ITGA8: variants seen among roughly 807,000 people sequenced by gnomAD.
ITGA8 encodes integrin alpha-8.
A neutral mutation model predicts 142.3 loss-of-function variants in ITGA8; 91 were observed. That is an observed-to-expected ratio of 0.64 (90% CI 0.54 to 0.76). ITGA8 has a LOEUF of 0.76. ITGA8 is among the 30% of genes least tolerant of loss of function. The pLI, the probability that ITGA8 is intolerant of heterozygous loss-of-function variation, is 0.00. For missense variants in ITGA8, 1,406 were observed against 1,327.7 expected (o/e 1.06, Z -0.92); for synonymous variants, 505 against 485.2 (o/e 1.04, Z -0.54).
intron 24 of ITGA8, among the ~76,000 whole-genome samples, chr10:15,574,457 C>A (rs915128127): frequency 3.3e-5 from 5 of 152,166 alleles, no homozygotes; most frequent in African/African-American, 1.2e-4. Context: ...GTGGCACGAT[C>A]TCGGCTCACT....
chr10:15,518,447 G>A (rs1833002523), intron 29 of ITGA8, among the ~76,000 whole-genome samples: 1 of 152,242 alleles, frequency 6.6e-6, no homozygotes, highest in Non-Finnish European at 1.5e-5. Flanking sequence ...AGCTGATAAC[G>A]ATCAGAAACG....
intron 13 of ITGA8, among the ~76,000 whole-genome samples, chr10:15,629,204 G>A (rs1438893001): frequency 6.6e-6 from 1 of 151,948 alleles, no homozygotes; most frequent in East Asian, 1.9e-4. Context: ...TAGGAACTGG[G>A]TCACACAAAC....
intron 20 of ITGA8, among the ~76,000 whole-genome samples, chr10:15,603,849 A>G (rs931299075): frequency 6.6e-6 from 1 of 152,186 alleles, no homozygotes; most frequent in African/African-American, 2.4e-5. Flanking sequence ...CATGTGCTTG[A>G]AACTGATAGG....
intron 24 of ITGA8, among the ~76,000 whole-genome samples, chr10:15,574,760 G>A (rs1458809187): frequency 6.6e-6 from 1 of 151,246 alleles, no homozygotes; most frequent in Non-Finnish European, 1.5e-5. Flanking sequence ...TTTTCTGTCT[G>A]GTACCTTCTA....
chr10:15,694,637 A>C (rs1184827445), intron 2 of ITGA8, among the ~76,000 whole-genome samples: 1 of 131,904 alleles, frequency 7.6e-6, no homozygotes, highest in Non-Finnish European at 1.6e-5. Context: ...TAATATATTT[A>C]TATAATATAT....
chr10:15,575,711 T>A, intron 23 of ITGA8, 117 bp from the exon 24 acceptor site: 1 of 729,800 alleles, frequency 1.4e-6, no homozygotes, highest in South Asian at 1.6e-5. Context: ...TTTGAGTAGA[T>A]ACTCCCTACA....
intron 11 of ITGA8, among the ~76,000 whole-genome samples, chr10:15,649,917 C>T (rs1834055607): frequency 6.6e-6 from 1 of 152,160 alleles, no homozygotes; most frequent in South Asian, 2.1e-4. Context: ...AGGCTTACCA[C>T]ACAATCACAA....
chr10:15,700,669 C>T (rs1835145753), intron 2 of ITGA8, among the ~76,000 whole-genome samples: 1 of 152,104 alleles, frequency 6.6e-6, no homozygotes, highest in South Asian at 2.1e-4. Context: ...ATCTATATAT[C>T]CAACAAAGGA....
rs1833044201 is a variant in ITGA8 at position 15,598,393 on chromosome 10, A to C, written c.2119-1094T>G. On this transcript the variant is annotated intron_variant, in intron 20 of 29. Transcript: ENST00000378076. ...ATCTATTGAAATTTTAGGTAAGAGA[A>C]TAATATAAAATTTCAGAAATGATCT... Among the ~76,000 whole-genome samples the C allele has an allele frequency of 3.3e-5, 5 of 152,320 alleles. No individual in the cohort carries two copies. In the South Asian group the frequency reaches 1.0e-3, roughly 32 times the overall value.
At chr10:15,598,141 T>G (rs939411579) in intron 20 of ITGA8, among the ~76,000 whole-genome samples, 1 of 152,006 alleles carries the variant, frequency 6.6e-6, no homozygotes, top group Admixed American at 6.6e-5. Context: ...CATTTTTCCA[T>G]TATTTCAGTC....
In ITGA8 at chr10:15,573,211, G is replaced by A. The variant is rs576528435; in HGVS notation, c.2479-842C>T. Among the ~76,000 whole-genome samples the A allele has an allele frequency of 2.0e-5, 3 of 152,144 alleles. No homozygotes were observed. In the South Asian group the frequency reaches 6.2e-4, roughly 32 times the overall value. On this transcript the variant is annotated intron_variant, in intron 24 of 29. Coordinates refer to ENST00000378076, the MANE Select transcript of ITGA8 (RefSeq NM_003638.3). ...ATTGATATAGTATATTTTGAGTCAC[G>A]AGATTAGCAATGTACACAATATTTG...
intron 27 of ITGA8, among the ~76,000 whole-genome samples, chr10:15,534,978 C>T (rs920005068): frequency 3.3e-5 from 5 of 152,026 alleles, no homozygotes; most frequent in Non-Finnish European, 5.9e-5. Flanking sequence ...GGGAGAGGCA[C>T]GGGGGGAGAG....
chr10:15,697,652 G>C (rs1835082317), intron 2 of ITGA8, among the ~76,000 whole-genome samples: 1 of 152,196 alleles, frequency 6.6e-6, no homozygotes, highest in African/African-American at 2.4e-5. Context: ...TAATGGGCTT[G>C]GGCTTGGCTG....
chr10:15,597,666 C>T (rs1448561740), intron 20 of ITGA8, among the ~76,000 whole-genome samples: 1 of 152,044 alleles, frequency 6.6e-6, no homozygotes, highest in Non-Finnish European at 1.5e-5. Flanking sequence ...ATTAAGCCTT[C>T]CAAAAACAAA....
At chr10:15,623,938 C>T (rs189737081) in intron 13 of ITGA8, among the ~76,000 whole-genome samples, 3 of 152,292 alleles carry the variant, frequency 2.0e-5, no homozygotes, top group Non-Finnish European at 4.4e-5. Flanking sequence ...TGGAGCCATA[C>T]AGCCTTTTGG....
intron 12 of ITGA8, among the ~76,000 whole-genome samples, chr10:15,646,067 T>C (rs1020932007): frequency 1.3e-5 from 2 of 152,172 alleles, no homozygotes; most frequent in African/African-American, 4.8e-5. Flanking sequence ...ATATAGAAGG[T>C]TTCCTAGTTA....
At chr10:15,553,674 A>C (rs1833833909) in intron 26 of ITGA8, among the ~76,000 whole-genome samples, 1 of 152,160 alleles carries the variant, frequency 6.6e-6, no homozygotes, top group African/African-American at 2.4e-5. Flanking sequence ...TTTTATCCTA[A>C]TATCCTCTTT....
chr10:15,675,062 T>G (rs185778442), intron 6 of ITGA8, among the ~76,000 whole-genome samples: 15 of 152,320 alleles, frequency 9.8e-5, no homozygotes, highest in Non-Finnish European at 1.5e-5. Context: ...TACTCTGTCC[T>G]AAACTTTATA....
chr10:15,529,051 CCTTCCTTT>C (rs202182852), intron 28 of ITGA8, among the ~76,000 whole-genome samples: 5,605 of 149,976 alleles, frequency 0.037, 269 homozygotes, highest in East Asian at 0.19. Flanking sequence ...CTCCTTCCTT[CCTTCCTTT>C]CTTCCTTTCT....
Sources: gnomAD v4.1 joint callset for allele counts (sites outside exome capture counted in the v4.1 genomes callset) on GRCh38, gnomAD v4.1.1 for gene constraint, MANE v1.5 for transcripts, NCBI Gene and HGNC (gene_info 2026-07-23, HGNC 2026-07-21) for gene names.